ARAP3: variants seen among roughly 807,000 people sequenced by gnomAD.
ARAP3 encodes the protein ArfGAP with RhoGAP domain, ankyrin repeat and PH domain 3, also known as arf-GAP with Rho-GAP domain, ANK repeat and PH domain-containing protein 3.
In ARAP3, 82 loss-of-function variants were observed where a neutral mutation model predicts 169.2. That is an observed-to-expected ratio of 0.48 (90% confidence interval 0.41 to 0.58). The LOEUF (loss-of-function observed/expected upper bound fraction) is 0.58, where lower values mean the gene tolerates loss of function less well. Among genes scored for constraint, ARAP3 ranks in the 20% least tolerant of loss-of-function variants. The probability of loss-of-function intolerance (pLI) is 0.00; values close to 1 mark genes in which losing one functional copy is unlikely to be tolerated. For missense variants in ARAP3, 1,764 were observed against 2,018.0 expected, an observed-to-expected ratio of 0.87 and a Z score of 2.41; for synonymous variants, 791 against 800.3, an observed-to-expected ratio of 0.99 and a Z score of 0.20.
Position 141,653,792 on chromosome 5 carries a change from G to A in ARAP3, c.*158C>T. The stretch of plus-strand genomic sequence containing the variant: ...AGAGAGGGGCCATGACCTGTCCTGG[G>A]ACACGCAGCCACTGAAGCCTTTAGT... On this transcript the variant is annotated 3_prime_UTR_variant, in exon 33 of 33. Transcript: ENST00000239440. 1 of 1,043,436 alleles carries A rather than the reference G, an allele frequency of 9.6e-7. No individual in the cohort carries two copies. Among genetic ancestry groups the A allele is most frequent in the East Asian group, 2.6e-5 (1 of 38,012 alleles). The allele number at this position is 1,043,436 out of a possible 1,614,324, so 64.6% of individuals were successfully genotyped here. A position where few individuals can be genotyped will look rare whatever the true frequency, so the allele number is the denominator to read the frequency against.
Position 141,654,385 on chromosome 5 carries a change from C to T in ARAP3, c.4200G>A (p.Glu1400=). 6.2e-7 allele frequency: 1 copy of T among 1,610,752 alleles called. No homozygotes were observed. The highest frequency in any genetic ancestry group is 1.3e-5 in the African/African-American group (1 of 74,962). Residue 1400 remains glutamate (E), a synonymous_variant, in exon 33 of 33, where the codon GAG becomes GAA. Coordinates refer to ENST00000239440, the MANE Select transcript of ARAP3 (RefSeq NM_022481.6). The stretch of plus-strand genomic sequence containing the variant: ...CATACACTGGCTCCTCGTACACAGG[C>T]TCCTCCAGCTCCTCTTGCTCCTCCA... The part of the protein sequence containing the change: ...GSVEEQEELE[E]PVYEEPVYEE...
intron 19 of ARAP3, among the ~76,000 whole-genome samples, chr5:141,663,656 G>T (rs1189118330): frequency 2.0e-5 from 3 of 152,192 alleles, no homozygotes; most frequent in African/African-American, 7.2e-5. Context: ...CACGAGAGAG[G>T]CTGAGAAGAG....
In ARAP3 at chr5:141,653,853, G is replaced by A. The variant is rs1596472247; in HGVS notation, c.*97C>T. 1.6e-5 allele frequency: 23 copies of A among 1,472,408 alleles called. 1 individual carries two copies. In the South Asian group the frequency reaches 2.9e-4, roughly 18 times the overall value. 91.2% of individuals were successfully genotyped at this position (1,472,408 alleles called of 1,614,324 possible). ...TTCCACAGCACCACACTGGATTCTG[G>A]AGTCTTTCCAGCCAGGGCAGAGGAA... On this transcript the variant is annotated 3_prime_UTR_variant, in exon 33 of 33. Coordinates refer to ENST00000239440, the MANE Select transcript of ARAP3 (RefSeq NM_022481.6).
intron 17 of ARAP3, 127 bp from the exon 18 acceptor site, chr5:141,665,501 A>G (rs1357893390): frequency 1.5e-5 from 14 of 941,090 alleles, no homozygotes; most frequent in East Asian, 2.5e-5. Context: ...GTTGAATCCT[A>G]TGAGTTATGT....
In ARAP3 at chr5:141,680,132, C is replaced by T. The variant is rs755806463; in HGVS notation, c.355G>A (p.Ala119Thr). The T allele has an allele frequency of 6.2e-7, 1 of 1,611,052 alleles. No homozygotes were observed. The highest frequency in any genetic ancestry group is 8.5e-7 in the Non-Finnish European group (1 of 1,178,270). Reference protein sequence around the residue: ...ATTQRPGLSPALGGPGVSRSP... With the variant: ...ATTQRPGLSPTLGGPGVSRSP... ...CTGGACACTCCTGGTCCCCCGAGGG[C>T]TGGGCTCAGCCCAGGTCTCTGAGTG... Residue 119 changes from alanine (A) to threonine (T), a missense_variant, in exon 2 of 33, where the codon GCC becomes ACC. By Grantham distance (58) the Ala-to-Thr change is moderately conservative. Transcript: ENST00000239440.
Position 141,666,570 on chromosome 5 carries a change from G to A in ARAP3, c.2426C>T (p.Ser809Phe). Reference sequence around the variant, plus strand: ...AGGGGCCGGGGCTGTATGGGAGGGGGACCGCAGCCATAGGCGGCCCAGCCG... The same window carrying A: ...AGGGGCCGGGGCTGTATGGGAGGGGAACCGCAGCCATAGGCGGCCCAGCCG... ...LLRLGRLWLR[S>F]PSHTAPAPGL... is the part of the protein sequence containing the mutation. Residue 809 changes from serine (S) to phenylalanine (F), a missense_variant, in exon 17 of 33, where the codon TCC becomes TTC. Physicochemically the swap from Ser to Phe is radical, Grantham distance 155 (BLOSUM62 -2). This residue lies in a region of ARAP3 where 1,112 missense variants were observed against 1,285.7 expected (regional missense o/e 0.86). Coordinates refer to ENST00000239440, the MANE Select transcript of ARAP3 (RefSeq NM_022481.6). The A allele has an allele frequency of 6.4e-7, 1 of 1,560,942 alleles. No individual in the cohort carries two copies. Among genetic ancestry groups the A allele is most frequent in the Non-Finnish European group, 8.7e-7 (1 of 1,155,276 alleles).
Position 141,672,591 on chromosome 5 carries a change from C to T in ARAP3, c.1346G>A (p.Ser449Asn), listed in dbSNP as rs780740181. Residue 449 changes from serine to asparagine, a missense_variant, in exon 9 of 33, where the codon AGT (serine) becomes AAT (asparagine). Physicochemically the swap from Ser to Asn is conservative, Grantham distance 46. This residue lies in a region of ARAP3 where 630 missense variants were observed against 678.7 expected (regional missense o/e 0.93). Coordinates refer to ENST00000239440, the MANE Select transcript of ARAP3 (RefSeq NM_022481.6). The surrounding 1 kb of genome is among the most constrained non-coding windows in gnomAD (Gnocchi z 4.9). Reference sequence around the variant, plus strand: ...GGGTGTGAGCAGGTCAAAGCTTCGACTCTTGGTCTCCCGGACGCTGCAGCC... The same window carrying T: ...GGGTGTGAGCAGGTCAAAGCTTCGATTCTTGGTCTCCCGGACGCTGCAGCC... ...LQGCSVRETKSRSFDLLTPHR... is the reference protein window; with the variant it reads ...LQGCSVRETKNRSFDLLTPHR... The T allele has an allele frequency of 7.4e-6, 12 of 1,613,954 alleles. No individual in the cohort carries two copies. In the Admixed American group the frequency reaches 1.0e-4, roughly 13 times the overall value.
chr5:141,671,794 A>G lies in ARAP3; in HGVS notation c.1672-42T>C. The G allele has an allele frequency of 6.2e-7, 1 of 1,601,598 alleles. No homozygotes were observed. Among genetic ancestry groups the G allele is most frequent in the Non-Finnish European group, 8.5e-7 (1 of 1,172,268 alleles). ...GACAAAGGCAGGTGACAGGAACTCA[A>G]GAGTCCTCAGATGTTCCATTCCTGT... On this transcript the variant is annotated intron_variant, in intron 11 of 32. Coordinates refer to ENST00000239440, the MANE Select transcript of ARAP3 (RefSeq NM_022481.6). This position sits in a 1 kb window ranked among gnomAD's most constrained non-coding sequence, Gnocchi z 4.9.
chr5:141,653,666 A>T lies in ARAP3; in HGVS notation c.*284T>A. ...TATAAAGCAGGAGCTGCCCTTGTTC[A>T]GGGATAATATGTGGGGCTTATGGCT... On this transcript the variant is annotated 3_prime_UTR_variant, in exon 33 of 33. Transcript: ENST00000239440. 1 of 317,562 alleles carries T rather than the reference A, an allele frequency of 3.1e-6. No individual in the cohort carries two copies. The highest frequency in any genetic ancestry group is 5.7e-6 in the Non-Finnish European group (1 of 174,818). The allele number at this position is 317,562 out of a possible 1,614,324, so 19.7% of individuals were successfully genotyped here.
In ARAP3 at chr5:141,671,812, A is replaced by T; in HGVS notation, c.1672-60T>A. On this transcript the variant is annotated intron_variant, in intron 11 of 32. Transcript: ENST00000239440. The surrounding 1 kb of genome is among the most constrained non-coding windows in gnomAD (Gnocchi z 4.9). ...GAACTCAAGAGTCCTCAGATGTTCC[A>T]TTCCTGTCCCCAGGCTGGCCCAAGG... The T allele has an allele frequency of 1.2e-6, 2 of 1,608,494 alleles. No individual in the cohort carries two copies. Among genetic ancestry groups the T allele is most frequent in the Non-Finnish European group, 1.7e-6 (2 of 1,176,268 alleles).
chr5:141,659,668 G>C (rs2099909690), intron 22 of ARAP3, 111 bp downstream of exon 22: 1 of 1,467,266 alleles, frequency 6.8e-7, no homozygotes, highest in South Asian at 1.3e-5. Context: ...GGTATAGCTG[G>C]CCACCAGAGG....
chr5:141,660,630 ATATT>A (rs922768094), intron 21 of ARAP3, among the ~76,000 whole-genome samples: 2 of 152,010 alleles, frequency 1.3e-5, no homozygotes, highest in Non-Finnish European at 2.9e-5. Context: ...ATAATATAGT[ATATT>A]TTTATTATTT....
At chr5:141,680,683 G>C (rs1317062200) in intron 1 of ARAP3, 180 bp from the exon 2 acceptor site, 1 of 986,026 alleles carries the variant, frequency 1.0e-6, no homozygotes, top group African/African-American at 1.6e-5. Flanking sequence ...TCTACTTAGG[G>C]AAGGGACTTC....
chr5:141,676,731 C>T (rs764791216), intron 4 of ARAP3, among the ~76,000 whole-genome samples: 66 of 152,218 alleles, frequency 4.3e-4, no homozygotes, highest in Non-Finnish European at 7.3e-4. Flanking sequence ...TTCTCCCAAA[C>T]CTCTAGATAT....
chr5:141,662,229 T>A lies in ARAP3; in HGVS notation c.2827A>T (p.Lys943Ter). ...HGLRLEGVYR[K>*]GGARARSLRL... ...AGGCTGCGGGCACGAGCGCCCCCTT[T>A]CCGGTATACACCTTCCAGCCGGAGC... Residue 943 changes from lysine to a stop codon, truncating the protein, a stop_gained, in exon 20 of 33, where the codon AAA becomes TAA. Coordinates refer to ENST00000239440, the MANE Select transcript of ARAP3 (RefSeq NM_022481.6). LOFTEE classifies it high-confidence loss of function. The A allele has an allele frequency of 6.2e-7, 1 of 1,614,164 alleles. No homozygotes were observed. Among genetic ancestry groups the A allele is most frequent in the East Asian group, 2.2e-5 (1 of 44,884 alleles).
At chr5:141,681,183 C>T (rs1425342559) in intron 1 of ARAP3, among the ~76,000 whole-genome samples, 4 of 152,114 alleles carry the variant, frequency 2.6e-5, no homozygotes, top group Non-Finnish European at 5.9e-5. Flanking sequence ...TGTGGGGTCC[C>T]GGCCCTGGGT....
chr5:141,672,122 AC>A lies in ARAP3; in HGVS notation c.1564del (p.Val522SerfsTer23). ...PDWAAVNLGV[V>X]ICKQCAGQHR... is the part of the protein sequence containing the mutation. ...CTCACCTGCACACTGCTTGCAGATG[AC>A]CACCCCCAAATTGACAGCAGCCCAA... On this transcript the variant is annotated frameshift_variant, in exon 10 of 33. Transcript: ENST00000239440. LOFTEE classifies it high-confidence loss of function. The surrounding 1 kb of genome is among the most constrained non-coding windows in gnomAD (Gnocchi z 4.9). 6.2e-7 allele frequency: 1 copy of A among 1,613,962 alleles called. No homozygotes were observed. The highest frequency in any genetic ancestry group is 8.5e-7 in the Non-Finnish European group (1 of 1,179,964).
chr5:141,670,533 G>A lies in ARAP3; in HGVS notation c.2086C>T (p.Pro696Ser). 6.2e-7 allele frequency: 1 copy of A among 1,614,064 alleles called. No homozygotes were observed. Among genetic ancestry groups the A allele is most frequent in the Non-Finnish European group, 8.5e-7 (1 of 1,179,952 alleles). Reference protein sequence around the residue: ...SPVSNKAGPSPPRRGRDAPPR... With the variant: ...SPVSNKAGPSSPRRGRDAPPR... ...TCACCATCCCGGCCCCTGCGAGGGG[G>A]TGAGGGTCCAGCTTTGTTGCTGACG... is the stretch of plus-strand genomic sequence containing the variant. Residue 696 changes from proline (P) to serine (S), a missense_variant, in exon 14 of 33, where the codon CCC (proline) becomes TCC (serine). Physicochemically the swap from Pro to Ser is moderately conservative, Grantham distance 74. Coordinates refer to ENST00000239440, the MANE Select transcript of ARAP3 (RefSeq NM_022481.6).
At position 141,671,211 on chromosome 5, in the gene ARAP3, A is replaced by G. The variant is rs1345051328; in HGVS notation, c.1990+54T>C. ...GGGCCCCTTGGAAGAACTGAATCAT[A>G]GGTTGGGTCTGAGAATTCCTGTAGG... On this transcript the variant is annotated intron_variant, in intron 13 of 32. Transcript: ENST00000239440. This position sits in a 1 kb window ranked among gnomAD's most constrained non-coding sequence, Gnocchi z 4.9. The G allele has an allele frequency of 9.1e-6, 14 of 1,539,730 alleles. No individual in the cohort carries two copies. The highest frequency in any genetic ancestry group is 2.3e-5 in the East Asian group (1 of 44,138).
Sources: gnomAD v4.1 joint callset for allele counts (sites outside exome capture counted in the v4.1 genomes callset) on GRCh38, gnomAD v4.1.1 for gene constraint, gnomAD v4.1.1 regional missense constraint, Gnocchi (gnomAD v3.1) non-coding constraint, MANE v1.5 for transcripts, NCBI Gene and HGNC (gene_info 2026-07-23, HGNC 2026-07-21) for gene names.